RAPGEF6: variants seen among roughly 807,000 people sequenced by gnomAD.
RAPGEF6 encodes the protein PDZ domain containing guanine nucleotide exchange factor (GEF) 2.
In RAPGEF6, 56 loss-of-function variants were observed where a neutral mutation model predicts 171.4. The observed-to-expected ratio is 0.33, with a 90% CI of 0.26 to 0.41. The LOEUF (loss-of-function observed/expected upper bound fraction) is 0.41, where lower values mean the gene tolerates loss of function less well. Ranked by LOEUF, RAPGEF6 falls within the 10% of genes least tolerant of loss-of-function variation. The probability of loss-of-function intolerance (pLI) is 1.00; values close to 1 mark genes in which losing one functional copy is unlikely to be tolerated. For synonymous variants in RAPGEF6, 692 were observed against 650.1 expected (o/e 1.06, Z -0.98); for missense variants, 1,674 against 1,921.4 (o/e 0.87, Z 2.41).
rs967526920 is a variant in RAPGEF6 at position 131,424,188 on chromosome 5, G to A, written c.*3078C>T. 1 of 152,298 alleles carries A rather than the reference G, an allele frequency of 6.6e-6. No homozygotes were observed. Among genetic ancestry groups the A allele is most frequent in the Non-Finnish European group, 1.5e-5 (1 of 68,002 alleles). The allele number at this position is 152,298 out of a possible 1,614,324, so 9.4% of individuals were successfully genotyped here. A position where few individuals can be genotyped will look rare whatever the true frequency, so the allele number is the denominator to read the frequency against. On this transcript the variant is annotated 3_prime_UTR_variant, in exon 28 of 28. Transcript: ENST00000509018. ...CTGATTATTACAGATGTGCAGTTTT[G>A]TTTCTGTCTTTTGCTGATTAGCTTA...
At chr5:131,439,092 T>C (rs909339531) in intron 24 of RAPGEF6, among the ~76,000 whole-genome samples, 1 of 152,096 alleles carries the variant, frequency 6.6e-6, no homozygotes, top group Non-Finnish European at 1.5e-5. Flanking sequence ...AAGTTTTAAA[T>C]TGTTTGTAGA....
intron 7 of RAPGEF6, among the ~76,000 whole-genome samples, chr5:131,518,078 ACT>A (rs1272133714): frequency 6.6e-6 from 1 of 152,078 alleles, no homozygotes; most frequent in Non-Finnish European, 1.5e-5. Flanking sequence ...GTAGAAAAAC[ACT>A]GTTACTAACT....
chr5:131,495,471 G>A, intron 13 of RAPGEF6, 82 bp downstream of exon 13: 2 of 992,704 alleles, frequency 2.0e-6, no homozygotes, highest in South Asian at 1.5e-5. Flanking sequence ...AGGAAAGAAT[G>A]AAAGCTATTG....
chr5:131,591,706 A>C (rs941139589), intron 4 of RAPGEF6, among the ~76,000 whole-genome samples: 1 of 152,222 alleles, frequency 6.6e-6, no homozygotes, highest in Non-Finnish European at 1.5e-5. Flanking sequence ...AAATTTGTCC[A>C]AAGTCACATA....
intron 6 of RAPGEF6, among the ~76,000 whole-genome samples, chr5:131,540,603 G>A (rs888139410): frequency 6.6e-6 from 1 of 152,108 alleles, no homozygotes; most frequent in African/African-American, 2.4e-5. Flanking sequence ...GCAAAAGGAA[G>A]GAGAAATCAA....
At chr5:131,504,483 G>T (rs1198274156) in intron 11 of RAPGEF6, 143 bp downstream of exon 11, 5 of 891,284 alleles carry the variant, frequency 5.6e-6, no homozygotes, top group African/African-American at 5.3e-5. Context: ...AAATTTTAGA[G>T]AAAGACAAAG....
chr5:131,611,712 T>C (rs1764944274), intron 1 of RAPGEF6, among the ~76,000 whole-genome samples: 1 of 152,214 alleles, frequency 6.6e-6, no homozygotes. Flanking sequence ...TTTTGGTTTA[T>C]TGCTGGTTTA....
intron 9 of RAPGEF6, among the ~76,000 whole-genome samples, chr5:131,506,981 CG>C (rs1454887134): frequency 2.0e-5 from 3 of 151,024 alleles, no homozygotes; most frequent in Admixed American, 6.6e-5. Flanking sequence ...TTCTAGGATA[CG>C]GGGAGAAAAT....
rs758303948 is a variant in RAPGEF6 at position 131,427,235 on chromosome 5, T to G, written c.*31A>C. On this transcript the variant is annotated 3_prime_UTR_variant, in exon 28 of 28. Coordinates refer to ENST00000509018, the MANE Select transcript of RAPGEF6 (RefSeq NM_016340.6). Reference sequence around the variant, plus strand: ...GGTTCTTGCCCATTCCTCCACGACTTTCAGTGGTTTTCAAATAGGTCATCC... The same window carrying G: ...GGTTCTTGCCCATTCCTCCACGACTGTCAGTGGTTTTCAAATAGGTCATCC... The G allele has an allele frequency of 4.4e-6, 7 of 1,598,980 alleles. No individual in the cohort carries two copies. The highest frequency in any genetic ancestry group is 6.0e-6 in the Non-Finnish European group (7 of 1,166,300).
intron 26 of RAPGEF6, among the ~76,000 whole-genome samples, chr5:131,429,494 C>T (rs1478102860): frequency 1.3e-5 from 2 of 152,060 alleles, no homozygotes; most frequent in Non-Finnish European, 2.9e-5. Flanking sequence ...CAATTCAGCC[C>T]CCATATCACA....
chr5:131,616,269 C>T (rs944755452), intron 1 of RAPGEF6, among the ~76,000 whole-genome samples: 1 of 152,162 alleles, frequency 6.6e-6, no homozygotes, highest in Non-Finnish European at 1.5e-5. Context: ...ACCCTTTAAA[C>T]AATTCTTACT....
At chr5:131,452,743 G>T (rs1358897047) in intron 21 of RAPGEF6, among the ~76,000 whole-genome samples, 3 of 151,818 alleles carry the variant, frequency 2.0e-5, no homozygotes, top group Non-Finnish European at 4.4e-5. Flanking sequence ...TGGGATTACA[G>T]GCGTGAGCCA....
In RAPGEF6 at chr5:131,464,222, T is replaced by G. The variant is rs2080874203; in HGVS notation, c.2299A>C (p.Ile767Leu). The G allele has an allele frequency of 6.2e-7, 1 of 1,613,854 alleles. No individual in the cohort carries two copies. Among genetic ancestry groups the G allele is most frequent in the Non-Finnish European group, 8.5e-7 (1 of 1,179,796 alleles). ...KVDQQSCYII[I>L]SKDTTAKEVV... ...TCTTTAGCTGTGGTGTCTTTACTGA[T>G]GATAATGTAGCAACTTTGCTGATCC... The change falls in exon 18 of 28, where the codon ATC (isoleucine) becomes CTC (leucine). Residue 767 changes from isoleucine (I) to leucine (L), a missense_variant. Ile to Leu is a conservative substitution (Grantham distance 5). Coordinates refer to ENST00000509018, the MANE Select transcript of RAPGEF6 (RefSeq NM_016340.6).
chr5:131,478,526 T>C (rs1755259941), intron 16 of RAPGEF6, among the ~76,000 whole-genome samples: 1 of 152,190 alleles, frequency 6.6e-6, no homozygotes, highest in South Asian at 2.1e-4. Context: ...TGGCTCTAGT[T>C]ACATATACAG....
chr5:131,432,928 A>G (rs1322181227), intron 25 of RAPGEF6, among the ~76,000 whole-genome samples: 6 of 152,138 alleles, frequency 3.9e-5, no homozygotes, highest in Non-Finnish European at 5.9e-5. Flanking sequence ...AAAGATTTCC[A>G]CGTTGCTTGA....
chr5:131,505,548 G>A (rs1236750116), intron 9 of RAPGEF6, 26 bp from the exon 10 acceptor site: 1 of 1,585,902 alleles, frequency 6.3e-7, no homozygotes, highest in Non-Finnish European at 8.6e-7. Context: ...AAGGTTTTAT[G>A]AATCTTTTTA....
chr5:131,486,617 C>T (rs944745380), intron 15 of RAPGEF6, among the ~76,000 whole-genome samples: 7 of 151,784 alleles, frequency 4.6e-5, no homozygotes, highest in Non-Finnish European at 7.4e-5. Context: ...TTTTTCTCAA[C>T]TTTATTATCT....
intron 15 of RAPGEF6, among the ~76,000 whole-genome samples, chr5:131,484,150 G>C (rs1755702194): frequency 6.8e-6 from 1 of 147,186 alleles, no homozygotes; most frequent in South Asian, 2.1e-4. Flanking sequence ...ACACAAAAAA[G>C]GTGCTCAACC....
At chr5:131,538,500 C>T (rs1167995071) in intron 6 of RAPGEF6, among the ~76,000 whole-genome samples, 1 of 152,120 alleles carries the variant, frequency 6.6e-6, no homozygotes, top group Non-Finnish European at 1.5e-5. Flanking sequence ...AATCTGATGT[C>T]ATTTATGTGG....
Sources: gnomAD v4.1 joint callset for allele counts (sites outside exome capture counted in the v4.1 genomes callset) on GRCh38, gnomAD v4.1.1 for gene constraint, MANE v1.5 for transcripts, NCBI Gene and HGNC (gene_info 2026-07-23, HGNC 2026-07-21) for gene names.